Variants in SEMA5A observed in about 807,000 individuals in gnomAD.
SEMA5A encodes semaphorin 5A, also known as semaphorin-5A.
In SEMA5A, 55 loss-of-function variants were observed where a neutral mutation model predicts 135.5. The ratio of observed to expected loss-of-function variants is 0.41; its 90% CI spans 0.33 to 0.51. The LOEUF (loss-of-function observed/expected upper bound fraction) is 0.51. Among genes scored for constraint, SEMA5A ranks in the 20% least tolerant of loss-of-function variants. The pLI, the probability that SEMA5A is intolerant of heterozygous loss-of-function variation, is 0.37. For synonymous variants in SEMA5A, 580 were observed against 546.5 expected, an observed-to-expected ratio of 1.06 and a Z score of -0.85; for missense variants, 1,290 against 1,419.9, an observed-to-expected ratio of 0.91 and a Z score of 1.47.
chr5:9,181,907 T>C (rs1038875097), intron 11 of SEMA5A, among the ~76,000 whole-genome samples: 1 of 151,876 alleles, frequency 6.6e-6, no homozygotes, highest in African/African-American at 2.4e-5. Context: ...CCCTCATCTA[T>C]TAAGAAGTTG....
chr5:9,250,067 T>C (rs1054753680), intron 5 of SEMA5A, among the ~76,000 whole-genome samples: 6 of 152,100 alleles, frequency 3.9e-5, no homozygotes, highest in African/African-American at 1.2e-4. Flanking sequence ...GAGAGACAAG[T>C]AGTTGAGAAA....
chr5:9,479,515 C>T (rs992946732), intron 1 of SEMA5A, among the ~76,000 whole-genome samples: 9 of 152,138 alleles, frequency 5.9e-5, no homozygotes, highest in East Asian at 1.9e-4. Context: ...AGTGTCGGAG[C>T]GTCAGCTTCC....
intron 3 of SEMA5A, among the ~76,000 whole-genome samples, chr5:9,359,419 C>T (rs139522051): frequency 5.5e-4 from 84 of 152,282 alleles, no homozygotes; most frequent in African/African-American, 1.6e-3. Context: ...CTTGACATTG[C>T]TATGCTCAGC....
chr5:9,051,827 T>C, intron 20 of SEMA5A, 46 bp downstream of exon 20: 1 of 1,607,048 alleles, frequency 6.2e-7, no homozygotes, highest in Non-Finnish European at 8.5e-7. Flanking sequence ...TCTCTCTCCA[T>C]GTTGGAAATG....
intron 4 of SEMA5A, among the ~76,000 whole-genome samples, chr5:9,329,637 C>G (rs1263491575): frequency 6.6e-6 from 1 of 152,230 alleles, no homozygotes; most frequent in Non-Finnish European, 1.5e-5. Context: ...GCTCTCAATA[C>G]TCAGTCTGTA....
chr5:9,469,090 C>A (rs1337333171), intron 1 of SEMA5A, among the ~76,000 whole-genome samples: 2 of 152,164 alleles, frequency 1.3e-5, no homozygotes, highest in South Asian at 2.1e-4. Context: ...CTCACTGCAA[C>A]CTCCGCCTCC....
chr5:9,259,422 T>A lies in SEMA5A; in HGVS notation c.271-21532A>T, dbSNP rs571133055. Among the ~76,000 whole-genome samples the A allele has an allele frequency of 3.8e-3, 579 of 151,948 alleles. 4 individuals carry two copies. The highest frequency in any genetic ancestry group is 0.014 in the African/African-American group (566 of 41,382). ...ATTGCACTGTGGTCTGAGAGATAGTTTGTTATAATTTCTGTTCTTTTACAT... is the reference window on the plus strand; with the variant it reads ...ATTGCACTGTGGTCTGAGAGATAGTATGTTATAATTTCTGTTCTTTTACAT... On this transcript the variant is annotated intron_variant, in intron 5 of 22. Coordinates refer to ENST00000382496, the MANE Select transcript of SEMA5A (RefSeq NM_003966.3).
At chr5:9,087,439 T>C (rs1452346713) in intron 16 of SEMA5A, among the ~76,000 whole-genome samples, 1 of 152,178 alleles carries the variant, frequency 6.6e-6, no homozygotes, top group African/African-American at 2.4e-5. Context: ...TTGAAAATCA[T>C]TCTGCTGTGT....
At chr5:9,465,804 T>G (rs34145433) in intron 1 of SEMA5A, among the ~76,000 whole-genome samples, 44,034 of 152,076 alleles carry the variant, frequency 0.29, 6,746 homozygotes, top group East Asian at 0.54. Flanking sequence ...TGCCATGTAG[T>G]TATTTCATTA....
At position 9,054,191 on chromosome 5, in the gene SEMA5A, T is replaced by C. The variant is rs1736759635; in HGVS notation, c.2585A>G (p.Tyr862Cys). 6.2e-7 allele frequency: 1 copy of C among 1,614,066 alleles called. No individual in the cohort carries two copies. Among genetic ancestry groups the C allele is most frequent in the Non-Finnish European group, 8.5e-7 (1 of 1,180,010 alleles). The change falls in exon 19 of 23, where the codon TAT (tyrosine) becomes TGT (cysteine). Residue 862 changes from tyrosine (Y) to cysteine (C), a missense_variant. By Grantham distance (194) the Tyr-to-Cys change is radical. Coordinates refer to ENST00000382496, the MANE Select transcript of SEMA5A (RefSeq NM_003966.3). ...KCSATCGGGH[Y>C]MRTRSCSNPA... is the part of the protein sequence containing the mutation. ...ATTGGAGCAAGAGCGGGTCCTCATA[T>C]AGTGTCCACCGCCGCATGTTGCTGA... is the stretch of plus-strand genomic sequence containing the variant.
chr5:9,448,717 G>A (rs1272016464), intron 1 of SEMA5A, among the ~76,000 whole-genome samples: 3 of 152,172 alleles, frequency 2.0e-5, no homozygotes, highest in Non-Finnish European at 4.4e-5. Context: ...CATCACTGAA[G>A]CCATTCATCC....
intron 16 of SEMA5A, among the ~76,000 whole-genome samples, chr5:9,078,153 T>C (rs1738171367): frequency 6.6e-6 from 1 of 152,208 alleles, no homozygotes; most frequent in African/African-American, 2.4e-5. Flanking sequence ...AATTCAGATA[T>C]CTTTTTCCTA....
At chr5:9,383,677 G>A (rs1298539585) in intron 2 of SEMA5A, among the ~76,000 whole-genome samples, 1 of 152,142 alleles carries the variant, frequency 6.6e-6, no homozygotes, top group East Asian at 1.9e-4. Flanking sequence ...CTTACACATA[G>A]TTTTTCAACG....
intron 1 of SEMA5A, among the ~76,000 whole-genome samples, chr5:9,478,624 G>C (rs1043340732): frequency 1.3e-5 from 2 of 152,192 alleles, no homozygotes; most frequent in African/African-American, 4.8e-5. Context: ...ACTTGCATGG[G>C]CCCTGTAGCC....
chr5:9,100,697 A>G (rs4146146), intron 16 of SEMA5A, among the ~76,000 whole-genome samples: 17,338 of 152,106 alleles, frequency 0.11, 1,522 homozygotes, highest in East Asian at 0.32. Flanking sequence ...GGGCCAAGCT[A>G]TGATGCCAGA....
At chr5:9,518,389 A>ATC (rs1736640699) in intron 1 of SEMA5A, among the ~76,000 whole-genome samples, 1 of 152,232 alleles carries the variant, frequency 6.6e-6, no homozygotes, top group South Asian at 2.1e-4. Context: ...CACCAATGTT[A>ATC]GAGATTTAAG....
At chr5:9,362,297 CT>C (rs756086213) in intron 3 of SEMA5A, among the ~76,000 whole-genome samples, 2 of 152,106 alleles carry the variant, frequency 1.3e-5, no homozygotes, top group African/African-American at 4.8e-5. Context: ...CTTGACCTCT[CT>C]TTTTTATTTC....
chr5:9,424,546 T>C (rs890652290), intron 2 of SEMA5A, among the ~76,000 whole-genome samples: 5 of 152,186 alleles, frequency 3.3e-5, no homozygotes, highest in Non-Finnish European at 7.3e-5. Context: ...CATTCCTCGA[T>C]AGCCCACACT....
In SEMA5A at chr5:9,374,241, T is replaced by C. The variant is rs1479719782; in HGVS notation, c.124+5582A>G. ...TCCACTAGACAGGAGGAGCCTGCAG[T>C]GGCAAATATTTCACAGAGGCTGGAA... is the stretch of plus-strand genomic sequence containing the variant. On this transcript the variant is annotated intron_variant, in intron 3 of 22. Transcript: ENST00000382496. Among the ~76,000 whole-genome samples, 8 of 150,072 alleles carry C rather than the reference T, an allele frequency of 5.3e-5. No homozygotes were observed. In the East Asian group the frequency reaches 1.6e-3, roughly 29 times the overall value.
Sources: allele counts gnomAD v4.1 joint callset (sites outside exome capture counted in the v4.1 genomes callset), GRCh38; gene constraint gnomAD v4.1.1; transcripts MANE v1.5; gene names NCBI Gene and HGNC (gene_info 2026-07-23, HGNC 2026-07-21).